The following AGBL1 variants were observed in gnomAD, a reference collection of about 807,000 sequenced individuals.
AGBL1 encodes AGBL carboxypeptidase 1.
A neutral mutation model predicts 118.9 loss-of-function variants in AGBL1; 130 were observed. The observed-to-expected ratio is 1.09, with a 90% CI of 0.95 to 1.26. AGBL1 has a LOEUF of 1.26. Ranked by LOEUF, AGBL1 falls within the 50% of genes most tolerant of loss-of-function variation. The pLI, the probability that AGBL1 is intolerant of heterozygous loss-of-function variation, is 0.00. For missense variants in AGBL1, 1,584 were observed against 1,298.1 expected (o/e 1.22, Z -3.38); for synonymous variants, 555 against 478.9 (o/e 1.16, Z -2.08).
At chr15:86,201,882 A>G (rs958460149) in intron 5 of AGBL1, among the ~76,000 whole-genome samples, 3 of 152,218 alleles carry the variant, frequency 2.0e-5, no homozygotes, top group African/African-American at 7.2e-5. Flanking sequence ...TTTATAGGCA[A>G]CTCACACAAG....
intron 22 of AGBL1, among the ~76,000 whole-genome samples, chr15:86,803,983 T>C (rs2078685656): frequency 6.6e-6 from 1 of 152,080 alleles, no homozygotes; most frequent in Non-Finnish European, 1.5e-5. Context: ...AAAGACAATA[T>C]GGACTAGTGC....
At chr15:86,087,644 G>A (rs757266357) in intron 1 of AGBL1, among the ~76,000 whole-genome samples, 2 of 152,050 alleles carry the variant, frequency 1.3e-5, no homozygotes, top group Admixed American at 6.6e-5. Context: ...TTTAATCTTT[G>A]CAACAATCCT....
intron 5 of AGBL1, among the ~76,000 whole-genome samples, chr15:86,219,134 G>A (rs2078237812): frequency 6.6e-6 from 1 of 152,204 alleles, no homozygotes; most frequent in Non-Finnish European, 1.5e-5. Flanking sequence ...AGGGATAGGA[G>A]CACATTTTTT....
intron 22 of AGBL1, among the ~76,000 whole-genome samples, chr15:86,847,870 G>A (rs921595516): frequency 4.6e-5 from 7 of 152,172 alleles, no homozygotes; most frequent in African/African-American, 1.7e-4. Flanking sequence ...CCTTCCAGCT[G>A]TCTTGCCTCC....
At position 86,266,974 on chromosome 15, in the gene AGBL1, C is replaced by T; in HGVS notation, c.1752-16C>T. ...GTGATAACACATATGTTCACATGTT[C>T]CTTATTTCATTGTAGGCCTTTGCAA... On this transcript the variant is annotated splice_polypyrimidine_tract_variant and intron_variant, in intron 12 of 22. Transcript: ENST00000614907. The T allele has an allele frequency of 6.5e-7, 1 of 1,541,806 alleles. No individual in the cohort carries two copies. Among genetic ancestry groups the T allele is most frequent in the Non-Finnish European group, 8.8e-7 (1 of 1,134,076 alleles).
intron 23 of AGBL1, among the ~76,000 whole-genome samples, chr15:86,954,975 G>C (rs1258751235): frequency 6.6e-6 from 1 of 151,992 alleles, no homozygotes; most frequent in Non-Finnish European, 1.5e-5. Context: ...TCTTTAACTT[G>C]TAAGAGTGTA....
intron 23 of AGBL1, among the ~76,000 whole-genome samples, chr15:86,971,663 A>G (rs1329185601): frequency 6.6e-6 from 1 of 152,014 alleles, no homozygotes; most frequent in African/African-American, 2.4e-5. Context: ...TAACTTAAAT[A>G]ACTGAGGTAA....
At chr15:86,222,110 G>C (rs1017067658) in intron 5 of AGBL1, among the ~76,000 whole-genome samples, 3 of 152,066 alleles carry the variant, frequency 2.0e-5, no homozygotes, top group Non-Finnish European at 4.4e-5. Context: ...TCTTCCTGGG[G>C]CAGCCCTCTA....
intron 16 of AGBL1, among the ~76,000 whole-genome samples, chr15:86,281,518 T>A (rs1496892): frequency 1.3e-5 from 2 of 152,142 alleles, no homozygotes; most frequent in Non-Finnish European, 2.9e-5. Context: ...CTGTTCTTTT[T>A]GCTTGTTAGA....
At chr15:86,352,817 GGGCCTCTCAAAGAAA>G (rs1362461670) in intron 17 of AGBL1, among the ~76,000 whole-genome samples, 4 of 152,018 alleles carry the variant, frequency 2.6e-5, no homozygotes, top group Non-Finnish European at 5.9e-5. Context: ...CCCATGGTTT[GGGCCTCTCAAAGAAA>G]GGATTAGCAC....
chr15:86,220,108 T>C (rs569834113), intron 5 of AGBL1, among the ~76,000 whole-genome samples: 10 of 152,138 alleles, frequency 6.6e-5, no homozygotes, highest in Non-Finnish European at 1.3e-4. Context: ...CCTGCCACCA[T>C]GCCCAGCTAA....
chr15:86,601,544 A>G (rs1376402840), intron 21 of AGBL1, among the ~76,000 whole-genome samples: 1 of 152,196 alleles, frequency 6.6e-6, no homozygotes, highest in Non-Finnish European at 1.5e-5. Context: ...ATGAATAAAC[A>G]GATAAACAAA....
chr15:86,945,461 G>A (rs115942087), intron 23 of AGBL1, among the ~76,000 whole-genome samples: 2,760 of 151,924 alleles, frequency 0.018, 96 homozygotes, highest in African/African-American at 0.063. Context: ...TTGAGCAGAG[G>A]GGATTGAGAA....
chr15:86,980,505 T>G (rs1012766327), intron 23 of AGBL1, among the ~76,000 whole-genome samples: 7 of 152,298 alleles, frequency 4.6e-5, no homozygotes, highest in African/African-American at 1.7e-4. Context: ...AGCCTAATCC[T>G]CTGTCAATGA....
intron 5 of AGBL1, among the ~76,000 whole-genome samples, chr15:86,169,990 A>T (rs1485609286): frequency 6.6e-6 from 1 of 152,236 alleles, no homozygotes; most frequent in Non-Finnish European, 1.5e-5. Flanking sequence ...CAATGTGTAG[A>T]ATCCAAGAAG....
intron 17 of AGBL1, among the ~76,000 whole-genome samples, chr15:86,394,254 A>G (rs12050876): frequency 0.67 from 102,130 of 151,956 alleles, 36,567 homozygotes; most frequent in African/African-American, 0.92. Context: ...TTGGGTAAAC[A>G]TGTCATCTAT....
chr15:87,011,533 G>A (rs1478632219), intron 24 of AGBL1, among the ~76,000 whole-genome samples: 1 of 152,174 alleles, frequency 6.6e-6, no homozygotes, highest in Non-Finnish European at 1.5e-5. Flanking sequence ...TATTCCCCTT[G>A]TATTCCTTTC....
At chr15:86,734,326 G>C (rs1170329739) in intron 22 of AGBL1, among the ~76,000 whole-genome samples, 1 of 152,164 alleles carries the variant, frequency 6.6e-6, no homozygotes, top group Non-Finnish European at 1.5e-5. Context: ...AATGGCTAGA[G>C]TGGTAATGAA....
Position 86,736,257 on chromosome 15 carries a change from G to A in AGBL1, c.3158+61821G>A, listed in dbSNP as rs537994369. ...TAGCTGGGTGCGGTGGTGCATGCCT[G>A]TAAGCCCAGCTACTCAGGAGGCTGA... On this transcript the variant is annotated intron_variant, in intron 22 of 22. Transcript: ENST00000614907. 5.9e-5 allele frequency among the ~76,000 whole-genome samples: 9 copies of A among 152,132 alleles called. No homozygotes were observed. In the South Asian group the frequency reaches 1.9e-3, roughly 32 times the overall value.
Sources: gnomAD v4.1 joint callset for allele counts (sites outside exome capture counted in the v4.1 genomes callset) on GRCh38, gnomAD v4.1.1 for gene constraint, MANE v1.5 for transcripts, NCBI Gene and HGNC (gene_info 2026-07-23, HGNC 2026-07-21) for gene names.